CLEC16A: variants seen among roughly 807,000 people sequenced by gnomAD.
The protein encoded by CLEC16A is C-type lectin domain containing 16A.
CLEC16A carries 51 observed loss-of-function variants against 109.5 expected under a neutral mutation model. The ratio of observed to expected loss-of-function variants is 0.47; its 90% CI spans 0.37 to 0.59. The LOEUF (loss-of-function observed/expected upper bound fraction) is 0.59, where lower values mean the gene tolerates loss of function less well. Ranked by LOEUF, CLEC16A falls within the 20% of genes least tolerant of loss-of-function variation. The probability of loss-of-function intolerance (pLI) is 0.00; values close to 1 mark genes in which losing one functional copy is unlikely to be tolerated. For synonymous variants in CLEC16A, 673 were observed against 564.2 expected (o/e 1.19, Z -2.73); for missense variants, 1,339 against 1,394.0 (o/e 0.96, Z 0.63).
intron 19 of CLEC16A, among the ~76,000 whole-genome samples, chr16:11,076,507 C>T (rs1055206903): frequency 6.6e-6 from 1 of 152,208 alleles, no homozygotes; most frequent in Non-Finnish European, 1.5e-5. Flanking sequence ...CTACACACAG[C>T]TCCTCACCCT....
At chr16:10,959,592 A>T (rs1406185792) in intron 2 of CLEC16A, among the ~76,000 whole-genome samples, 1 of 152,042 alleles carries the variant, frequency 6.6e-6, no homozygotes. Flanking sequence ...GTGTTTCGCC[A>T]TGTTGGCCAG....
chr16:11,030,619 T>A (rs2046685184), intron 13 of CLEC16A, among the ~76,000 whole-genome samples: 1 of 152,120 alleles, frequency 6.6e-6, no homozygotes, highest in Non-Finnish European at 1.5e-5. Flanking sequence ...GTAAAAAAAA[T>A]ATTGTGTTTC....
At chr16:11,150,986 GATT>G (rs2054272225) in intron 22 of CLEC16A, among the ~76,000 whole-genome samples, 4 of 152,158 alleles carry the variant, frequency 2.6e-5, no homozygotes. Flanking sequence ...AGACATATTG[GATT>G]AGGACCAAAC....
At chr16:11,168,002 G>C (rs552455502) in intron 23 of CLEC16A, among the ~76,000 whole-genome samples, 1 of 152,214 alleles carries the variant, frequency 6.6e-6, no homozygotes, top group Non-Finnish European at 1.5e-5. Context: ...GGGGATGAAA[G>C]CTTCCTTGCC....
chr16:11,173,250 CG>C (rs984037512), intron 23 of CLEC16A, among the ~76,000 whole-genome samples: 1 of 152,240 alleles, frequency 6.6e-6, no homozygotes, highest in African/African-American at 2.4e-5. Flanking sequence ...TGGTAACATA[CG>C]GGTAACATAA....
chr16:11,157,047 T>C (rs1228771999), intron 22 of CLEC16A: 2 of 1,300,516 alleles, frequency 1.5e-6, no homozygotes, highest in South Asian at 1.2e-5. Context: ...GAAAGCAAGA[T>C]ACTGAAAGAC....
At chr16:11,147,878 C>T (rs2054132007) in intron 22 of CLEC16A, among the ~76,000 whole-genome samples, 1 of 152,202 alleles carries the variant, frequency 6.6e-6, no homozygotes, top group South Asian at 2.1e-4. Context: ...GAACCTGCAA[C>T]ACATTCCGGA....
chr16:11,094,441 T>C (rs543426923), intron 19 of CLEC16A, among the ~76,000 whole-genome samples: 141 of 152,348 alleles, frequency 9.3e-4, no homozygotes, highest in African/African-American at 3.3e-3. Flanking sequence ...AGAAGTGCTC[T>C]TGTGGCTTAA....
At chr16:10,946,405 G>C (rs2041375730) in intron 1 of CLEC16A, among the ~76,000 whole-genome samples, 1 of 152,162 alleles carries the variant, frequency 6.6e-6, no homozygotes, top group Non-Finnish European at 1.5e-5. Context: ...AGAGTGGGGA[G>C]CAGGAGGGTT....
At chr16:11,132,237 C>CCCCCACCCCCGCCCCCG (rs958864578) in intron 22 of CLEC16A, among the ~76,000 whole-genome samples, 1 of 136,058 alleles carries the variant, frequency 7.3e-6, no homozygotes, top group African/African-American at 2.9e-5. Flanking sequence ...CCCACCCACC[C>CCCCCACCCCCGCCCCCG]CCCCCGCCCC....
At chr16:11,150,075 G>A (rs1243322422) in intron 22 of CLEC16A, 4 of 152,178 alleles carry the variant, frequency 2.6e-5, no homozygotes, top group Non-Finnish European at 4.4e-5. Context: ...AGTCATTGAT[G>A]CCAGTAATTG....
Position 11,178,969 on chromosome 16 carries a change from G to T in CLEC16A, c.*279G>T. 1 of 384,922 alleles carries T rather than the reference G, an allele frequency of 2.6e-6. No homozygotes were observed. Among genetic ancestry groups the T allele is most frequent in the Non-Finnish European group, 4.6e-6 (1 of 216,306 alleles). The allele number at this position is 384,922 out of a possible 1,614,324, so 23.8% of individuals were successfully genotyped here. On this transcript the variant is annotated 3_prime_UTR_variant, in exon 24 of 24. Transcript: ENST00000409790. This position sits in a 1 kb window ranked among gnomAD's most constrained non-coding sequence, Gnocchi z 6.5. ...CCACTCAGGGAGCTGCCTGGGCTCC[G>T]TGTCTCTGAGCCCCGGGTGGCAGGA...
chr16:10,994,256 G>T (rs540897982), intron 10 of CLEC16A, among the ~76,000 whole-genome samples: 1 of 152,174 alleles, frequency 6.6e-6, no homozygotes, highest in Non-Finnish European at 1.5e-5. Flanking sequence ...CGGCAGTGCC[G>T]TCAAATCGCC....
Position 11,099,743 on chromosome 16 carries a change from T to C in CLEC16A, c.2117-20872T>C, listed in dbSNP as rs113549188. Among the ~76,000 whole-genome samples, 547 of 152,292 alleles carry C rather than the reference T, an allele frequency of 3.6e-3. 1 individual carries two copies. Among genetic ancestry groups the C allele is most frequent in the African/African-American group, 0.012 (517 of 41,558 alleles). ...TTGTGTGGCTACCTCCTCACCCAGG[T>C]GCGAGGACGGGGCAAAGTGAGGATG... On this transcript the variant is annotated intron_variant, in intron 19 of 23. Coordinates refer to ENST00000409790, the MANE Select transcript of CLEC16A (RefSeq NM_015226.3).
rs765719134 is a variant in CLEC16A, at chr16:11,003,308, G to T, written c.1303+3G>T. 12 of 1,609,304 alleles carry T rather than the reference G, an allele frequency of 7.5e-6. No homozygotes were observed. Among genetic ancestry groups the T allele is most frequent in the African/African-American group, 1.3e-5 (1 of 74,754 alleles). ...CAAGACGAGTGGGGAGAGTGAAGGT[G>T]AGTGTCCCCATGAACGCCGCCCTGT... On this transcript the variant is annotated splice_donor_region_variant and intron_variant, in intron 11 of 23. Transcript: ENST00000409790.
chr16:11,032,761 G>A (rs1463239448), intron 13 of CLEC16A, among the ~76,000 whole-genome samples: 2 of 152,196 alleles, frequency 1.3e-5, no homozygotes, highest in Non-Finnish European at 2.9e-5. Flanking sequence ...GGAGCAGCAT[G>A]TACAGAGGCC....
intron 12 of CLEC16A, among the ~76,000 whole-genome samples, chr16:11,021,494 G>T (rs1352987456): frequency 6.6e-6 from 1 of 152,156 alleles, no homozygotes. Flanking sequence ...AAAGGAAGAG[G>T]TATCTGCTTA....
intron 19 of CLEC16A, among the ~76,000 whole-genome samples, chr16:11,101,806 TTTTC>T (rs1674067116): frequency 6.6e-6 from 1 of 151,822 alleles, no homozygotes; most frequent in Non-Finnish European, 1.5e-5. Flanking sequence ...TTTTCTTTTC[TTTTC>T]TTTTTTTTTT....
In CLEC16A at chr16:11,079,268, T is replaced by G. The variant is rs376779554; in HGVS notation, c.2116+18246T>G. On this transcript the variant is annotated intron_variant, in intron 19 of 23. Transcript: ENST00000409790. ...GTGCCAGTCTTGGAAATGGCCTGTT[T>G]TGTTTCAGGCAGTCATAAAAATGCC... Among the ~76,000 whole-genome samples the G allele has an allele frequency of 1.2e-3, 187 of 152,330 alleles. 2 individuals carry two copies. In the East Asian group the frequency reaches 0.022, roughly 18 times the overall value.
Sources: gnomAD v4.1 joint callset for allele counts (sites outside exome capture counted in the v4.1 genomes callset) on GRCh38, gnomAD v4.1.1 for gene constraint, Gnocchi (gnomAD v3.1) non-coding constraint, MANE v1.5 for transcripts, NCBI Gene and HGNC (gene_info 2026-07-23, HGNC 2026-07-21) for gene names.